Variants in GABRB3 observed in about 807,000 individuals in gnomAD.
The protein encoded by GABRB3 is gamma-aminobutyric acid type A receptor subunit beta3.
In GABRB3, 14 loss-of-function variants were observed where a neutral mutation model predicts 52.1. The ratio of observed to expected loss-of-function variants is 0.27; its 90% CI spans 0.18 to 0.42. The LOEUF (loss-of-function observed/expected upper bound fraction) is 0.42. Ranked by LOEUF, GABRB3 falls within the 10% of genes least tolerant of loss-of-function variation. The pLI, the probability that GABRB3 is intolerant of heterozygous loss-of-function variation, is 1.00. For missense variants in GABRB3, 307 were observed against 609.1 expected, an observed-to-expected ratio of 0.50 and a Z score of 5.22; for synonymous variants, 260 against 232.3, an observed-to-expected ratio of 1.12 and a Z score of -1.08.
chr15:26,718,429 G>T (rs1028931576), intron 3 of GABRB3, among the ~76,000 whole-genome samples: 1 of 152,026 alleles, frequency 6.6e-6, no homozygotes, highest in African/African-American at 2.4e-5. Context: ...GGCTGCTCTC[G>T]AACTCCCGAC....
intron 3 of GABRB3, among the ~76,000 whole-genome samples, chr15:26,731,861 T>C (rs1889923743): frequency 6.7e-6 from 1 of 149,040 alleles, no homozygotes; most frequent in African/African-American, 2.5e-5. Flanking sequence ...TAAATGTGGC[T>C]AAAATGAAGA....
At chr15:26,636,884 A>G (rs1487142573) in intron 3 of GABRB3, among the ~76,000 whole-genome samples, 1 of 152,142 alleles carries the variant, frequency 6.6e-6, no homozygotes, top group East Asian at 1.9e-4. Context: ...ACCATACCTT[A>G]TCACCACTGT....
chr15:26,625,358 T>C (rs1366579320), intron 3 of GABRB3: 9 of 489,546 alleles, frequency 1.8e-5, no homozygotes, highest in African/African-American at 4.2e-5. Flanking sequence ...ACAGCTGCTA[T>C]AGAAAGAAGC....
At chr15:26,759,769 T>G (rs904735479) in intron 3 of GABRB3, among the ~76,000 whole-genome samples, 3 of 152,200 alleles carry the variant, frequency 2.0e-5, no homozygotes, top group South Asian at 4.1e-4. Flanking sequence ...AAATGGTGCA[T>G]GAATTAAATG....
intron 3 of GABRB3, among the ~76,000 whole-genome samples, chr15:26,643,272 G>C (rs1044263156): frequency 6.6e-6 from 1 of 152,178 alleles, no homozygotes; most frequent in African/African-American, 2.4e-5. Flanking sequence ...CCAGGTGCCT[G>C]ACTGCAGTCA....
chr15:26,719,220 A>G (rs923200903), intron 3 of GABRB3, among the ~76,000 whole-genome samples: 2 of 152,242 alleles, frequency 1.3e-5, no homozygotes, highest in Non-Finnish European at 2.9e-5. Flanking sequence ...GCAGGTGCCC[A>G]TGAGTGTTTG....
chr15:26,711,756 C>A (rs2140130895), intron 3 of GABRB3, among the ~76,000 whole-genome samples: 1 of 152,320 alleles, frequency 6.6e-6, no homozygotes. Context: ...CAGCAGCCAG[C>A]AGCATCAACC....
chr15:26,568,392 C>T (rs1043596233), intron 6 of GABRB3, among the ~76,000 whole-genome samples: 10 of 152,178 alleles, frequency 6.6e-5, no homozygotes, highest in Non-Finnish European at 1.2e-4. Flanking sequence ...CCACTCAACA[C>T]ATTTTGGAAT....
chr15:26,547,352 G>A lies in GABRB3; in HGVS notation c.*441C>T. On this transcript the variant is annotated 3_prime_UTR_variant, in exon 9 of 9. Coordinates refer to ENST00000311550, the MANE Select transcript of GABRB3 (RefSeq NM_000814.6). ...AAAGATTAACTAAGAATGTCTTTCT[G>A]ATTTTTAAACTAAAACATCTAACTT... The A allele has an allele frequency of 2.4e-6, 1 of 410,458 alleles. No individual in the cohort carries two copies. The highest frequency in any genetic ancestry group is 3.5e-5 in the East Asian group (1 of 28,692). The allele number at this position is 410,458 out of a possible 1,614,324, so 25.4% of individuals were successfully genotyped here.
chr15:26,747,850 T>A (rs917309917), intron 3 of GABRB3, among the ~76,000 whole-genome samples: 1 of 152,064 alleles, frequency 6.6e-6, no homozygotes, highest in African/African-American at 2.4e-5. Flanking sequence ...CTTTATAAAT[T>A]AAGGAAATTC....
chr15:26,621,537 G>C lies in GABRB3; in HGVS notation c.241-3C>G, dbSNP rs1343183305. On this transcript the variant is annotated splice_polypyrimidine_tract_variant and splice_region_variant and intron_variant, in intron 3 of 8. Transcript: ENST00000311550. This position sits in a 1 kb window ranked among gnomAD's most constrained non-coding sequence, Gnocchi z 4.1. ...AAATACATGGTTAAGGTATAATCCT[G>C]GGGGGAAAAGAAAAGAAAGAAAGTT... The C allele has an allele frequency of 6.2e-7, 1 of 1,605,710 alleles. No individual in the cohort carries two copies. The highest frequency in any genetic ancestry group is 1.3e-5 in the African/African-American group (1 of 74,712).
chr15:26,773,439 G>C (rs549139848), upstream of GABRB3, among the ~76,000 whole-genome samples: 3 of 151,292 alleles, frequency 2.0e-5, no homozygotes, highest in African/African-American at 7.3e-5. Flanking sequence ...GGGCGAGTGC[G>C]GGGACTGTCG....
chr15:26,681,002 C>T (rs1010659089), intron 3 of GABRB3, among the ~76,000 whole-genome samples: 47 of 152,206 alleles, frequency 3.1e-4, no homozygotes, highest in Admixed American at 2.8e-3. Flanking sequence ...GATTAACCCT[C>T]TTCATGGCTT....
At chr15:26,576,298 T>C (rs1890588953) in intron 6 of GABRB3, among the ~76,000 whole-genome samples, 1 of 152,212 alleles carries the variant, frequency 6.6e-6, no homozygotes, top group Non-Finnish European at 1.5e-5. Flanking sequence ...AACAACAGAG[T>C]ATTCTGGATA....
intron 3 of GABRB3, among the ~76,000 whole-genome samples, chr15:26,743,389 C>T (rs569805614): frequency 6.6e-6 from 1 of 152,270 alleles, no homozygotes; most frequent in African/African-American, 2.4e-5. Context: ...AGGCTACATG[C>T]CTTGGAGCAA....
chr15:26,710,178 G>T (rs1889248075), intron 3 of GABRB3, among the ~76,000 whole-genome samples: 1 of 152,176 alleles, frequency 6.6e-6, no homozygotes, highest in South Asian at 2.1e-4. Flanking sequence ...TCATTCAACA[G>T]TTGAACACTG....
intron 3 of GABRB3, among the ~76,000 whole-genome samples, chr15:26,713,535 C>A (rs1392987988): frequency 6.6e-6 from 1 of 152,050 alleles, no homozygotes; most frequent in African/African-American, 2.4e-5. Context: ...ATGATCCAGC[C>A]TGGAGGTCTG....
intron 4 of GABRB3, among the ~76,000 whole-genome samples, chr15:26,600,093 C>T (rs1891534908): frequency 6.6e-6 from 1 of 151,586 alleles, no homozygotes; most frequent in South Asian, 2.1e-4. Context: ...AATGATTGAA[C>T]TAAAAAATTT....
At chr15:26,553,685 G>C (rs1388699030) in intron 8 of GABRB3, among the ~76,000 whole-genome samples, 1 of 151,868 alleles carries the variant, frequency 6.6e-6, no homozygotes, top group Non-Finnish European at 1.5e-5. Context: ...GAAGGGGCTG[G>C]GATTGTTCGA....
Sources: allele counts gnomAD v4.1 joint callset (sites outside exome capture counted in the v4.1 genomes callset), GRCh38; gene constraint gnomAD v4.1.1; non-coding constraint Gnocchi (gnomAD v3.1); transcripts MANE v1.5; gene names NCBI Gene and HGNC (gene_info 2026-07-23, HGNC 2026-07-21).